The following EPHB1 variants were observed in gnomAD, a reference collection of about 807,000 sequenced individuals.
EPHB1 encodes ephrin type-B receptor 1.
EPHB1 carries 30 observed loss-of-function variants against 94.4 expected under a neutral mutation model. That is an observed-to-expected ratio of 0.32 (90% CI 0.24 to 0.43). The LOEUF is 0.43. Among genes scored for constraint, EPHB1 ranks in the 20% least tolerant of loss-of-function variants. The pLI is 1.00. For synonymous variants in EPHB1, 522 were observed against 489.1 expected (o/e 1.07, Z -0.89); for missense variants, 1,055 against 1,308.3 (o/e 0.81, Z 2.99).
At chr3:135,240,768 C>T (rs769477278) in intron 12 of EPHB1, among the ~76,000 whole-genome samples, 69 of 152,200 alleles carry the variant, frequency 4.5e-4, no homozygotes, top group Non-Finnish European at 7.6e-4. Flanking sequence ...TTAGCTTTTA[C>T]ATTGCCAGGG....
intron 3 of EPHB1, among the ~76,000 whole-genome samples, chr3:135,048,409 A>G (rs1468688698): frequency 2.0e-5 from 3 of 151,502 alleles, no homozygotes; most frequent in Non-Finnish European, 4.4e-5. Flanking sequence ...AGCTGGGACT[A>G]TGGGTGTGTG....
At chr3:135,229,363 C>T (rs1943478884) in intron 12 of EPHB1, among the ~76,000 whole-genome samples, 1 of 152,112 alleles carries the variant, frequency 6.6e-6, no homozygotes, top group Admixed American at 6.5e-5. Context: ...GAAACCATGC[C>T]AAGAAGGAAG....
intron 3 of EPHB1, among the ~76,000 whole-genome samples, chr3:134,967,465 C>T (rs1933803843): frequency 6.6e-6 from 1 of 152,110 alleles, no homozygotes; most frequent in Non-Finnish European, 1.5e-5. Context: ...ATGAATTAAT[C>T]CATTCATGGA....
At chr3:135,116,900 A>G (rs953337975) in intron 4 of EPHB1, among the ~76,000 whole-genome samples, 107 of 152,172 alleles carry the variant, frequency 7.0e-4, no homozygotes, top group African/African-American at 2.4e-3. Context: ...CAGGACCATG[A>G]CTTTCCAGAT....
At chr3:135,117,736 T>C (rs1183065052) in intron 4 of EPHB1, among the ~76,000 whole-genome samples, 1 of 152,222 alleles carries the variant, frequency 6.6e-6, no homozygotes, top group Non-Finnish European at 1.5e-5. Flanking sequence ...CTTGGCTGTG[T>C]CTTAGACTTG....
chr3:135,048,271 T>TC (rs1937068565), intron 3 of EPHB1, among the ~76,000 whole-genome samples: 1 of 135,118 alleles, frequency 7.4e-6, no homozygotes, highest in Non-Finnish European at 1.6e-5. Flanking sequence ...TTTTTTTTTT[T>TC]TTTTTTTTTT....
At chr3:135,056,764 C>T (rs1486542803) in intron 3 of EPHB1, among the ~76,000 whole-genome samples, 1 of 152,232 alleles carries the variant, frequency 6.6e-6, no homozygotes, top group East Asian at 1.9e-4. Context: ...GCAGACGAGA[C>T]AGGTGGGAGG....
Position 135,248,337 on chromosome 3 carries a change from G to T in EPHB1, c.2518G>T (p.Asp840Tyr), listed in dbSNP as rs1469973523. ...NQDVINAIEQ[D>Y]YRLPPPMDCP... ...GCAGGTCATCAATGCCATCGAGCAG[G>T]ACTACCGGCTGCCCCCACCCATGGA... The change falls in exon 14 of 16, where the codon GAC (aspartate) becomes TAC (tyrosine). Residue 840 changes from aspartate to tyrosine, a missense_variant. By Grantham distance (160) the Asp-to-Tyr change is radical. Transcript: ENST00000398015. The T allele has an allele frequency of 6.3e-7, 1 of 1,596,368 alleles. No homozygotes were observed. Among genetic ancestry groups the T allele is most frequent in the Non-Finnish European group, 8.6e-7 (1 of 1,166,426 alleles).
intron 2 of EPHB1, among the ~76,000 whole-genome samples, chr3:134,927,641 T>C (rs1228441422): frequency 6.6e-6 from 1 of 152,264 alleles, no homozygotes; most frequent in African/African-American, 2.4e-5. Flanking sequence ...CCCTTGGTTT[T>C]TGTACACAAC....
chr3:135,142,622 T>C (rs1940865569), intron 5 of EPHB1, among the ~76,000 whole-genome samples: 1 of 152,236 alleles, frequency 6.6e-6, no homozygotes, highest in South Asian at 2.1e-4. Context: ...CATCTGAGGT[T>C]GTGGTGAGGA....
At chr3:134,919,432 C>T (rs982155555) in intron 1 of EPHB1, among the ~76,000 whole-genome samples, 1 of 152,184 alleles carries the variant, frequency 6.6e-6, no homozygotes, top group African/African-American at 2.4e-5. Flanking sequence ...TCAACCAATC[C>T]CATTCCAAAA....
At chr3:135,060,334 A>G (rs1316816828) in intron 3 of EPHB1, among the ~76,000 whole-genome samples, 7 of 152,220 alleles carry the variant, frequency 4.6e-5, no homozygotes, top group East Asian at 1.9e-4. Context: ...AAGATTGTCT[A>G]TGTCGTAGCA....
At chr3:135,004,183 G>C (rs1935299189) in intron 3 of EPHB1, among the ~76,000 whole-genome samples, 1 of 151,764 alleles carries the variant, frequency 6.6e-6, no homozygotes, top group African/African-American at 2.4e-5. Flanking sequence ...GCATTTGCTT[G>C]TCTGTAAAGT....
intron 3 of EPHB1, among the ~76,000 whole-genome samples, chr3:135,029,201 T>C (rs1936316946): frequency 4.4e-5 from 4 of 91,002 alleles, no homozygotes; most frequent in African/African-American, 6.8e-5. Flanking sequence ...TGTCTTTTAA[T>C]TGGAGCATTT....
At chr3:135,021,726 T>A (rs1935993368) in intron 3 of EPHB1, among the ~76,000 whole-genome samples, 1 of 152,224 alleles carries the variant, frequency 6.6e-6, no homozygotes. Flanking sequence ...ATAAGATTAT[T>A]TCTCTCTAAT....
intron 3 of EPHB1, among the ~76,000 whole-genome samples, chr3:135,027,059 G>C (rs1336007358): frequency 1.4e-5 from 2 of 143,626 alleles, no homozygotes; most frequent in African/African-American, 2.6e-5. Context: ...TTTGCACATT[G>C]ATTTTGTATC....
intron 3 of EPHB1, among the ~76,000 whole-genome samples, chr3:134,986,915 A>T (rs1934621386): frequency 1.3e-5 from 2 of 152,176 alleles, no homozygotes; most frequent in African/African-American, 4.8e-5. Flanking sequence ...TGAAAATCTC[A>T]CCACATTGCA....
intron 3 of EPHB1, among the ~76,000 whole-genome samples, chr3:135,059,057 CAAAT>C (rs1206887313): frequency 1.3e-5 from 2 of 152,048 alleles, no homozygotes; most frequent in Non-Finnish European, 2.9e-5. Flanking sequence ...CAGATATTAT[CAAAT>C]AAATCATATC....
intron 2 of EPHB1, among the ~76,000 whole-genome samples, chr3:134,935,352 C>T (rs573311077): frequency 6.6e-6 from 1 of 152,152 alleles, no homozygotes; most frequent in Admixed American, 6.5e-5. Flanking sequence ...AGCCTGGTTC[C>T]AGGAAGGAGG....
Sources: allele counts gnomAD v4.1 joint callset (sites outside exome capture counted in the v4.1 genomes callset), GRCh38; gene constraint gnomAD v4.1.1; transcripts MANE v1.5; gene names NCBI Gene and HGNC (gene_info 2026-07-23, HGNC 2026-07-21).